DSCAM: variants seen among roughly 807,000 people sequenced by gnomAD.
DSCAM encodes the protein cell adhesion molecule DSCAM.
Under a neutral mutation model 217.7 loss-of-function variants are expected in DSCAM, and 47 were observed. That is an observed-to-expected ratio of 0.22 (90% confidence interval 0.17 to 0.28). The LOEUF (loss-of-function observed/expected upper bound fraction) is 0.28. Among genes scored for constraint, DSCAM ranks in the 10% least tolerant of loss-of-function variants. DSCAM has a pLI of 1.00. For synonymous variants in DSCAM, 1,056 were observed against 1,015.3 expected (o/e 1.04, Z -0.76); for missense variants, 2,080 against 2,618.3 (o/e 0.79, Z 4.49).
At chr21:40,278,612 G>C (rs577689416) in intron 10 of DSCAM, among the ~76,000 whole-genome samples, 1 of 152,134 alleles carries the variant, frequency 6.6e-6, no homozygotes, top group South Asian at 2.1e-4. Flanking sequence ...CATGCCTGTA[G>C]TCTTAGCTAC....
At chr21:40,184,048 G>A (rs1408881938) in intron 14 of DSCAM, among the ~76,000 whole-genome samples, 2 of 152,152 alleles carry the variant, frequency 1.3e-5, no homozygotes, top group Non-Finnish European at 2.9e-5. Flanking sequence ...TCAGTGGGGT[G>A]CAGATAGTAA....
intron 29 of DSCAM, 90 bp from the exon 30 acceptor site, chr21:40,052,197 ATTG>A: frequency 7.0e-7 from 1 of 1,425,182 alleles, no homozygotes; most frequent in Non-Finnish European, 9.5e-7. Context: ...CACTTGTGTT[ATTG>A]TTAATGACAA....
chr21:40,446,213 T>G (rs1234262256), intron 3 of DSCAM, among the ~76,000 whole-genome samples: 2 of 152,230 alleles, frequency 1.3e-5, no homozygotes, highest in African/African-American at 4.8e-5. Flanking sequence ...TACCACTGTT[T>G]ACAGTGTTCC....
intron 1 of DSCAM, among the ~76,000 whole-genome samples, chr21:40,736,680 G>C (rs974988410): frequency 4.6e-5 from 7 of 152,126 alleles, no homozygotes; most frequent in African/African-American, 1.7e-4. Context: ...GACATCTCAA[G>C]GGTTTTAGGA....
intron 1 of DSCAM, among the ~76,000 whole-genome samples, chr21:40,817,395 A>C (rs999112966): frequency 2.6e-5 from 4 of 152,204 alleles, no homozygotes; most frequent in African/African-American, 4.8e-5. Flanking sequence ...AATTATCTCT[A>C]AGCTAATTAT....
At chr21:40,658,084 G>A (rs2090096026) in intron 3 of DSCAM, among the ~76,000 whole-genome samples, 1 of 152,130 alleles carries the variant, frequency 6.6e-6, no homozygotes, top group African/African-American at 2.4e-5. Context: ...GCAGACACAG[G>A]AGTCCAGGAA....
intron 2 of DSCAM, among the ~76,000 whole-genome samples, chr21:40,701,452 T>C (rs1459678931): frequency 1.3e-5 from 2 of 152,158 alleles, no homozygotes; most frequent in Non-Finnish European, 2.9e-5. Flanking sequence ...ATCTTCATTG[T>C]TTGCTTTCTG....
At chr21:40,276,006 A>C in intron 11 of DSCAM, 91 bp downstream of exon 11, 5 of 1,316,198 alleles carry the variant, frequency 3.8e-6, no homozygotes, top group Non-Finnish European at 5.0e-6. Flanking sequence ...TGTTGCTTTT[A>C]AACAGGTATG....
At chr21:40,619,084 AC>A (rs2146292915) in intron 3 of DSCAM, among the ~76,000 whole-genome samples, 1 of 152,340 alleles carries the variant, frequency 6.6e-6, no homozygotes, top group South Asian at 2.1e-4. Flanking sequence ...TTTAAAAAAA[AC>A]AAAAGCAACA....
At chr21:40,385,026 T>C (rs2123740407) in intron 3 of DSCAM, 1 of 152,300 alleles carries the variant, frequency 6.6e-6, no homozygotes, top group African/African-American at 2.4e-5. Flanking sequence ...CCTATATTTT[T>C]CTCCTAAAAA....
intron 11 of DSCAM, among the ~76,000 whole-genome samples, chr21:40,206,274 G>T (rs2091124787): frequency 6.6e-6 from 1 of 152,210 alleles, no homozygotes; most frequent in South Asian, 2.1e-4. Flanking sequence ...CAGGATGTGA[G>T]GATGAATCCA....
intron 31 of DSCAM, 32 bp from the exon 32 acceptor site, chr21:40,042,705 G>A (rs1377242993): frequency 5.1e-6 from 8 of 1,561,402 alleles, no homozygotes; most frequent in East Asian, 2.2e-5. Context: ...CAAGACGGAC[G>A]ACTCACCATC....
At chr21:40,659,655 CCTAT>C (rs746567069) in intron 3 of DSCAM, among the ~76,000 whole-genome samples, 23 of 150,898 alleles carry the variant, frequency 1.5e-4, no homozygotes, top group Non-Finnish European at 2.8e-4. Context: ...TATGTATATG[CCTAT>C]CTATCGTCTA....
At chr21:40,270,827 G>A (rs1004489181) in intron 11 of DSCAM, among the ~76,000 whole-genome samples, 1 of 152,036 alleles carries the variant, frequency 6.6e-6, no homozygotes, top group African/African-American at 2.4e-5. Flanking sequence ...CAATGCTACC[G>A]GGACTGGAGA....
At chr21:40,724,709 G>A (rs1216791325) in intron 1 of DSCAM, among the ~76,000 whole-genome samples, 5 of 152,126 alleles carry the variant, frequency 3.3e-5, no homozygotes, top group African/African-American at 9.7e-5. Flanking sequence ...TAAAATCCAA[G>A]TTCGGTAATT....
At chr21:40,471,655 G>C (rs1239100093) in intron 3 of DSCAM, among the ~76,000 whole-genome samples, 1 of 152,198 alleles carries the variant, frequency 6.6e-6, no homozygotes, top group Non-Finnish European at 1.5e-5. Context: ...TCTGGAGCCA[G>C]CACTGGCTCC....
chr21:40,690,394 A>C (rs565943513), intron 3 of DSCAM, among the ~76,000 whole-genome samples: 1 of 152,224 alleles, frequency 6.6e-6, no homozygotes, highest in African/African-American at 2.4e-5. Flanking sequence ...CCTGATATGA[A>C]GTCTCTCTCT....
intron 11 of DSCAM, among the ~76,000 whole-genome samples, chr21:40,203,091 C>A (rs1397859540): frequency 6.6e-6 from 1 of 152,186 alleles, no homozygotes; most frequent in Non-Finnish European, 1.5e-5. Context: ...GGCTAAATGG[C>A]TTGTTCAAGA....
intron 3 of DSCAM, among the ~76,000 whole-genome samples, chr21:40,599,526 A>T (rs2077046821): frequency 6.6e-6 from 1 of 152,156 alleles, no homozygotes; most frequent in African/African-American, 2.4e-5. Flanking sequence ...TCAAATCGAC[A>T]CCCTAACATC....
Sources: gnomAD v4.1 joint callset for allele counts (sites outside exome capture counted in the v4.1 genomes callset) on GRCh38, gnomAD v4.1.1 for gene constraint, MANE v1.5 for transcripts, NCBI Gene and HGNC (gene_info 2026-07-23, HGNC 2026-07-21) for gene names.